DCDC1: variants seen among roughly 807,000 people sequenced by gnomAD.
The protein encoded by DCDC1 is doublecortin domain-containing protein 1.
In DCDC1, 200 loss-of-function variants were observed where a neutral mutation model predicts 178.3. The observed-to-expected ratio is 1.12, with a 90% CI of 1.00 to 1.26. The LOEUF (loss-of-function observed/expected upper bound fraction) is 1.26, where lower values mean the gene tolerates loss of function less well. Among genes scored for constraint, DCDC1 ranks in the 50% most tolerant of loss-of-function variants. The pLI is 0.00. For missense variants in DCDC1, 1,983 were observed against 1,749.2 expected (o/e 1.13, Z -2.38); for synonymous variants, 690 against 604.8 (o/e 1.14, Z -2.07).
intron 12 of DCDC1, among the ~76,000 whole-genome samples, chr11:31,107,732 C>A (rs1394058886): frequency 1.3e-5 from 2 of 152,108 alleles, no homozygotes; most frequent in East Asian, 3.9e-4. Flanking sequence ...AGACATTTTT[C>A]ATTATCCTCT....
At chr11:30,989,597 C>T (rs1328901262) in intron 20 of DCDC1, among the ~76,000 whole-genome samples, 1 of 152,146 alleles carries the variant, frequency 6.6e-6, no homozygotes, top group Non-Finnish European at 1.5e-5. Context: ...CTCTTCTGTG[C>T]TTTACACATT....
intron 1 of DCDC1, among the ~76,000 whole-genome samples, chr11:31,353,645 A>C (rs1455712858): frequency 6.6e-6 from 1 of 152,194 alleles, no homozygotes; most frequent in Non-Finnish European, 1.5e-5. Flanking sequence ...CCTTATTCTT[A>C]AGGATAATTT....
chr11:31,355,350 A>T (rs1310390241), intron 1 of DCDC1, among the ~76,000 whole-genome samples: 2 of 152,278 alleles, frequency 1.3e-5, no homozygotes, highest in South Asian at 2.1e-4. Context: ...TGGGGAAAGG[A>T]AGTCAAACAT....
chr11:31,073,979 G>A (rs927879745), intron 18 of DCDC1, among the ~76,000 whole-genome samples: 2 of 152,180 alleles, frequency 1.3e-5, no homozygotes, highest in African/African-American at 4.8e-5. Flanking sequence ...AAATTACCAT[G>A]CTTATCAGTC....
intron 18 of DCDC1, among the ~76,000 whole-genome samples, chr11:31,068,444 G>A (rs1956375212): frequency 6.6e-6 from 1 of 152,120 alleles, no homozygotes; most frequent in African/African-American, 2.4e-5. Flanking sequence ...TTGCCTAAAT[G>A]TGCATCACCA....
chr11:30,999,451 C>T lies in DCDC1; in HGVS notation c.2592-46883G>A, dbSNP rs565263186. On this transcript the variant is annotated intron_variant, in intron 20 of 38. Transcript: ENST00000684477. Reference sequence around the variant, plus strand: ...TGAAAAAATAGTAAAAGCCTTATGTCGAATCTAATTTCCTTATGTATTCTA... The same window carrying T: ...TGAAAAAATAGTAAAAGCCTTATGTTGAATCTAATTTCCTTATGTATTCTA... Among the ~76,000 whole-genome samples, 86 of 152,210 alleles carry T rather than the reference C, an allele frequency of 5.7e-4. 2 individuals are homozygous for T. In the South Asian group the frequency reaches 0.017, roughly 31 times the overall value.
At chr11:31,034,095 G>A (rs1442381322) in intron 20 of DCDC1, among the ~76,000 whole-genome samples, 1 of 140,782 alleles carries the variant, frequency 7.1e-6, no homozygotes, top group Non-Finnish European at 1.5e-5. Flanking sequence ...AGTGAGCCGA[G>A]ATCATGCCAC....
At chr11:31,212,365 A>G (rs996194473) in intron 9 of DCDC1, among the ~76,000 whole-genome samples, 6 of 152,152 alleles carry the variant, frequency 3.9e-5, no homozygotes, top group African/African-American at 7.2e-5. Flanking sequence ...TTTAACTGCT[A>G]TATATCAAAA....
intron 1 of DCDC1, among the ~76,000 whole-genome samples, chr11:31,362,273 A>T (rs1001868440): frequency 1.4e-4 from 21 of 152,292 alleles, no homozygotes; most frequent in African/African-American, 5.1e-4. Context: ...ATAGAAACTA[A>T]AAACAGTTAA....
chr11:31,361,922 GC>G (rs1449181026), intron 1 of DCDC1, among the ~76,000 whole-genome samples: 1 of 152,108 alleles, frequency 6.6e-6, no homozygotes, highest in East Asian at 1.9e-4. Flanking sequence ...TCTACCTGAG[GC>G]AAGAAACTAG....
chr11:31,235,060 G>A (rs1267067415), intron 9 of DCDC1, among the ~76,000 whole-genome samples: 2 of 152,070 alleles, frequency 1.3e-5, no homozygotes, highest in Admixed American at 6.6e-5. Flanking sequence ...TACCCAATAT[G>A]ATTAGAAATT....
At chr11:30,979,704 G>C (rs957805515) in intron 20 of DCDC1, among the ~76,000 whole-genome samples, 2 of 152,132 alleles carry the variant, frequency 1.3e-5, no homozygotes, top group East Asian at 3.9e-4. Context: ...AAACCACATG[G>C]AAAAATAACC....
chr11:30,931,101 A>AT (rs1469647248), intron 22 of DCDC1, among the ~76,000 whole-genome samples: 4 of 152,100 alleles, frequency 2.6e-5, no homozygotes, highest in Admixed American at 6.6e-5. Flanking sequence ...ATGAGAAACA[A>AT]TGTGTTTAAC....
intron 10 of DCDC1, among the ~76,000 whole-genome samples, chr11:31,130,146 T>C (rs1253101997): frequency 1.3e-5 from 2 of 152,184 alleles, no homozygotes; most frequent in African/African-American, 2.4e-5. Flanking sequence ...GCCATAGTTT[T>C]ATGACTCATT....
intron 7 of DCDC1, among the ~76,000 whole-genome samples, chr11:31,278,403 A>G (rs1015386231): frequency 6.6e-6 from 1 of 152,264 alleles, no homozygotes; most frequent in East Asian, 1.9e-4. Flanking sequence ...TAAGTGAAAT[A>G]AGCCAGGCAC....
At chr11:31,058,561 A>G (rs1052689778) in intron 20 of DCDC1, among the ~76,000 whole-genome samples, 1 of 152,206 alleles carries the variant, frequency 6.6e-6, no homozygotes, top group East Asian at 1.9e-4. Flanking sequence ...AGCCAGGGTG[A>G]CTAGAGCAGA....
intron 7 of DCDC1, among the ~76,000 whole-genome samples, chr11:31,277,428 G>A (rs1019616944): frequency 2.0e-5 from 3 of 151,992 alleles, no homozygotes; most frequent in African/African-American, 7.2e-5. Flanking sequence ...ATTTATCTTG[G>A]TATATATCTA....
At chr11:30,927,341 A>G (rs1256660428) in intron 22 of DCDC1, among the ~76,000 whole-genome samples, 1 of 152,062 alleles carries the variant, frequency 6.6e-6, no homozygotes, top group Non-Finnish European at 1.5e-5. Context: ...GTTAGTTGGG[A>G]GTTCCTTGAG....
intron 17 of DCDC1, among the ~76,000 whole-genome samples, chr11:31,086,338 T>C (rs1428532531): frequency 6.6e-6 from 1 of 152,194 alleles, no homozygotes; most frequent in Non-Finnish European, 1.5e-5. Context: ...ATTCCCCTAA[T>C]GAATAATAGT....
Sources: allele counts gnomAD v4.1 joint callset (sites outside exome capture counted in the v4.1 genomes callset), GRCh38; gene constraint gnomAD v4.1.1; transcripts MANE v1.5; gene names NCBI Gene and HGNC (gene_info 2026-07-23, HGNC 2026-07-21).